Variants in TRAF3 observed in about 807,000 individuals in gnomAD.
The protein encoded by TRAF3 is TNF receptor-associated factor 3.
Under a neutral mutation model 62.3 loss-of-function variants are expected in TRAF3, and 13 were observed. That is an observed-to-expected ratio of 0.21 (90% confidence interval 0.14 to 0.33). The LOEUF (loss-of-function observed/expected upper bound fraction) is 0.33. Among genes scored for constraint, TRAF3 ranks in the 10% least tolerant of loss-of-function variants. TRAF3 has a pLI of 1.00. For synonymous variants in TRAF3, 269 were observed against 283.4 expected, an observed-to-expected ratio of 0.95 and a Z score of 0.51; for missense variants, 440 against 741.8, an observed-to-expected ratio of 0.59 and a Z score of 4.73.
intron 6 of TRAF3, 111 bp downstream of exon 6, chr14:102,876,636 A>T: frequency 3.6e-6 from 5 of 1,404,856 alleles, no homozygotes; most frequent in Non-Finnish European, 4.9e-6. Flanking sequence ...CCCTCAACTC[A>T]TAGATAATCC....
rs1890052900 is a variant in TRAF3 at position 102,897,252 on chromosome 14, C to A, written c.820-9C>A. 4 of 1,609,074 alleles carry A rather than the reference C, an allele frequency of 2.5e-6. No homozygotes were observed. In the South Asian group the frequency reaches 3.3e-5, roughly 13 times the overall value. ...TTTGGTTACATTAATTAAAGAATTT[C>A]TTTTTTAGGTTTCCTTGTTGCAGAA... On this transcript the variant is annotated splice_polypyrimidine_tract_variant and intron_variant, in intron 9 of 11. Transcript: ENST00000392745.
chr14:102,807,918 G>C (rs1452557619), intron 1 of TRAF3, among the ~76,000 whole-genome samples: 3 of 152,168 alleles, frequency 2.0e-5, no homozygotes, highest in Admixed American at 6.5e-5. Context: ...CATGGCCTTG[G>C]CATAATTACT....
At chr14:102,850,688 T>TAAAAAAA (rs35096461) in intron 2 of TRAF3, among the ~76,000 whole-genome samples, 2 of 87,488 alleles carry the variant, frequency 2.3e-5, no homozygotes, top group African/African-American at 4.9e-5. Flanking sequence ...AGACTCCGTC[T>TAAAAAAA]AAAAAAAAAA....
intron 2 of TRAF3, chr14:102,866,104 A>G (rs1333302865): frequency 6.6e-6 from 1 of 152,282 alleles, no homozygotes; most frequent in African/African-American, 2.4e-5. Flanking sequence ...AGCCATAAAA[A>G]AGAATGAGTT....
chr14:102,791,973 C>T (rs1897815854), intron 1 of TRAF3, among the ~76,000 whole-genome samples: 1 of 151,734 alleles, frequency 6.6e-6, no homozygotes, highest in Non-Finnish European at 1.5e-5. Flanking sequence ...CCACAATGCC[C>T]TGCTGTTTTT....
intron 3 of TRAF3, among the ~76,000 whole-genome samples, chr14:102,871,013 C>T (rs764922408): frequency 6.6e-6 from 1 of 152,222 alleles, no homozygotes; most frequent in Non-Finnish European, 1.5e-5. Context: ...AGAATAGCAT[C>T]GGCCAGAAGA....
chr14:102,860,380 T>TA (rs777467875), intron 2 of TRAF3, among the ~76,000 whole-genome samples: 3 of 152,134 alleles, frequency 2.0e-5, no homozygotes, highest in Non-Finnish European at 4.4e-5. Flanking sequence ...ATGAGGAAAA[T>TA]AGAGGTTTTT....
rs771356054 is a variant in TRAF3, at chr14:102,903,658, T to C, written c.1135+229T>C. The C allele has an allele frequency of 2.9e-6, 2 of 690,182 alleles. No homozygotes were observed. Among genetic ancestry groups the C allele is most frequent in the Admixed American group, 4.2e-5 (2 of 48,074 alleles). The allele number at this position is 690,182 out of a possible 1,614,324, so 42.8% of individuals were successfully genotyped here. ...CCTCCGTGTGAGGCCCTACATGGTGTAGAAAGTAGGGGCAGCTGCAGCCAC... is the reference window on the plus strand; with the variant it reads ...CCTCCGTGTGAGGCCCTACATGGTGCAGAAAGTAGGGGCAGCTGCAGCCAC... On this transcript the variant is annotated intron_variant, in intron 11 of 11. Transcript: ENST00000392745. This position sits in a 1 kb window ranked among gnomAD's most constrained non-coding sequence, Gnocchi z 6.4.
At chr14:102,871,196 G>A (rs1223154382) in intron 3 of TRAF3, among the ~76,000 whole-genome samples, 2 of 152,214 alleles carry the variant, frequency 1.3e-5, no homozygotes, top group African/African-American at 4.8e-5. Context: ...CCCCAGCCTG[G>A]GCACAGCAGC....
chr14:102,870,072 G>A, intron 2 of TRAF3, 113 bp from the exon 3 acceptor site: 6 of 1,273,662 alleles, frequency 4.7e-6, no homozygotes, highest in Admixed American at 1.7e-5. Context: ...AAGGATTCTT[G>A]TGTTGCCTAA....
intron 3 of TRAF3, among the ~76,000 whole-genome samples, chr14:102,871,043 A>G (rs1167178493): frequency 2.0e-5 from 3 of 152,214 alleles, no homozygotes; most frequent in Admixed American, 6.5e-5. Context: ...TTCACCCTGC[A>G]GGCCTCATGT....
intron 2 of TRAF3, among the ~76,000 whole-genome samples, chr14:102,837,145 T>G (rs1448542001): frequency 4.3e-4 from 59 of 136,916 alleles, no homozygotes; most frequent in African/African-American, 1.5e-3. Context: ...TGTGTGTGTT[T>G]TTTTTGGGGG....
At chr14:102,848,782 C>G (rs778330846) in intron 2 of TRAF3, among the ~76,000 whole-genome samples, 2 of 152,122 alleles carry the variant, frequency 1.3e-5, no homozygotes, top group Non-Finnish European at 2.9e-5. Context: ...GTCAGAAGTT[C>G]CCTCATTCTG....
chr14:102,854,653 A>G (rs1023767961), intron 2 of TRAF3, among the ~76,000 whole-genome samples: 2 of 151,858 alleles, frequency 1.3e-5, no homozygotes, highest in African/African-American at 4.8e-5. Flanking sequence ...GTGCACCACC[A>G]CACCCAGCTA....
intron 6 of TRAF3, among the ~76,000 whole-genome samples, chr14:102,882,056 T>A (rs1286828324): frequency 6.6e-6 from 1 of 152,208 alleles, no homozygotes; most frequent in Non-Finnish European, 1.5e-5. Flanking sequence ...ACAGTTTAAT[T>A]CATGTTAGTA....
intron 2 of TRAF3, among the ~76,000 whole-genome samples, chr14:102,841,774 A>G (rs1240747669): frequency 6.6e-6 from 1 of 152,248 alleles, no homozygotes; most frequent in East Asian, 1.9e-4. Flanking sequence ...GAAAATCAAG[A>G]GAAACAGAAC....
chr14:102,821,427 A>C (rs1300076603), intron 1 of TRAF3, among the ~76,000 whole-genome samples: 1 of 152,210 alleles, frequency 6.6e-6, no homozygotes, highest in Non-Finnish European at 1.5e-5. Flanking sequence ...TTCAAGACGC[A>C]TTTTGGGCCT....
intron 2 of TRAF3, among the ~76,000 whole-genome samples, chr14:102,864,141 CTTTTTCTTTT>C (rs1340086854): frequency 3.9e-4 from 58 of 147,856 alleles, no homozygotes; most frequent in Non-Finnish European, 6.7e-4. Context: ...CGGTTTTTGC[CTTTTTCTTTT>C]TTTTTTTTTT....
intron 6 of TRAF3, among the ~76,000 whole-genome samples, chr14:102,885,904 C>A (rs1889352852): frequency 6.6e-6 from 1 of 152,170 alleles, no homozygotes; most frequent in African/African-American, 2.4e-5. Flanking sequence ...ACAGAGGAGG[C>A]GTGCTAAGGG....
Sources: allele counts gnomAD v4.1 joint callset (sites outside exome capture counted in the v4.1 genomes callset), GRCh38; gene constraint gnomAD v4.1.1; non-coding constraint Gnocchi (gnomAD v3.1); transcripts MANE v1.5; gene names NCBI Gene and HGNC (gene_info 2026-07-23, HGNC 2026-07-21).